Variants in SDK1 observed in about 807,000 individuals in gnomAD.
The protein encoded by SDK1 is protein sidekick-1.
Under a neutral mutation model 245.5 loss-of-function variants are expected in SDK1, and 157 were observed. That is an observed-to-expected ratio of 0.64 (90% CI 0.56 to 0.73). The LOEUF (loss-of-function observed/expected upper bound fraction) is 0.73, where lower values mean the gene tolerates loss of function less well. Among genes scored for constraint, SDK1 ranks in the 30% least tolerant of loss-of-function variants. The pLI is 0.00. For synonymous variants in SDK1, 1,647 were observed against 1,278.5 expected, an observed-to-expected ratio of 1.29 and a Z score of -6.15; for missense variants, 3,583 against 3,002.3, an observed-to-expected ratio of 1.19 and a Z score of -4.52.
chr7:4,061,400 A>G (rs1779529630), intron 19 of SDK1, among the ~76,000 whole-genome samples: 1 of 152,204 alleles, frequency 6.6e-6, no homozygotes, highest in Non-Finnish European at 1.5e-5. Context: ...ATCACTGGCC[A>G]TCAGAGAAAT....
intron 5 of SDK1, among the ~76,000 whole-genome samples, chr7:3,928,630 T>TG (rs142247801): frequency 0.017 from 2,537 of 149,828 alleles, 57 homozygotes; most frequent in African/African-American, 0.058. Flanking sequence ...AGTTTTTTTT[T>TG]GGGGGGGGTG....
intron 1 of SDK1, among the ~76,000 whole-genome samples, chr7:3,507,991 C>G (rs1001670381): frequency 2.0e-5 from 3 of 152,142 alleles, no homozygotes; most frequent in Admixed American, 1.3e-4. Context: ...CTGGAATCCT[C>G]TTTTCCCTTA....
rs528427196 is a variant in SDK1 at position 3,656,738 on chromosome 7, TC to T, written c.713+14634del. Among the ~76,000 whole-genome samples, 5 of 138,918 alleles carry T rather than the reference TC, an allele frequency of 3.6e-5. No homozygotes were observed. In the East Asian group the frequency reaches 6.0e-4, roughly 17 times the overall value. 91.1% of individuals were successfully genotyped at this position (138,918 alleles called of 152,430 possible). On this transcript the variant is annotated intron_variant, in intron 4 of 44. Transcript: ENST00000404826. ...TTATCTCAGGGTGTTTTGGTGGAAA[TC>T]TTTTTTTTTTTTTTTTTTTGAGACG...
chr7:3,888,517 A>G lies in SDK1; in HGVS notation c.848-62406A>G, dbSNP rs567056104. ...TCAGTAAATCAATGGTGATGCGTTA[A>G]TAGACTGCTGCTGTATTTGTTGTTC... On this transcript the variant is annotated intron_variant, in intron 5 of 44. Transcript: ENST00000404826. Among the ~76,000 whole-genome samples, 7 of 152,370 alleles carry G rather than the reference A, an allele frequency of 4.6e-5. No individual in the cohort carries two copies. In the East Asian group the frequency reaches 1.3e-3, roughly 29 times the overall value.
intron 8 of SDK1, among the ~76,000 whole-genome samples, chr7:3,961,144 G>A (rs1041624155): frequency 6.6e-6 from 1 of 152,224 alleles, no homozygotes; most frequent in Non-Finnish European, 1.5e-5. Context: ...TTGCACTGCT[G>A]TCATATAATT....
Position 4,161,827 on chromosome 7 carries a change from A to G in SDK1, c.4771A>G (p.Thr1591Ala). 1.2e-6 allele frequency: 2 copies of G among 1,614,160 alleles called. No homozygotes were observed. The highest frequency in any genetic ancestry group is 1.7e-6 in the Non-Finnish European group (2 of 1,180,002). Residue 1591 changes from threonine to alanine, a missense_variant, in exon 32 of 45, where the codon ACC becomes GCC. Coordinates refer to ENST00000404826, the MANE Select transcript of SDK1 (RefSeq NM_152744.4). Reference sequence around the variant, plus strand: ...GGGATCTGTCTCAGCGACGCCACACACCACGTCCTCTGTCCTGATACAGTG... The same window carrying G: ...GGGATCTGTCTCAGCGACGCCACACGCCACGTCCTCTGTCCTGATACAGTG... ...PPGSVSATPH[T>A]TSSVLIQWQP... is the part of the protein sequence containing the mutation.
At chr7:3,450,922 C>T (rs962665727) in intron 1 of SDK1, among the ~76,000 whole-genome samples, 5 of 151,944 alleles carry the variant, frequency 3.3e-5, no homozygotes, top group South Asian at 2.1e-4. Context: ...AGGAGTTTTG[C>T]GGAAGCCAAA....
At chr7:4,215,622 G>A (rs1784753688) in intron 38 of SDK1, among the ~76,000 whole-genome samples, 1 of 152,216 alleles carries the variant, frequency 6.6e-6, no homozygotes, top group Admixed American at 6.5e-5. Flanking sequence ...TCTAGTGCAG[G>A]CCAGCCCGGC....
chr7:4,008,557 A>G (rs1234071662), intron 14 of SDK1, among the ~76,000 whole-genome samples: 1 of 152,204 alleles, frequency 6.6e-6, no homozygotes, highest in African/African-American at 2.4e-5. Flanking sequence ...TTTTTTAGAT[A>G]AGGTGGGCAC....
intron 20 of SDK1, among the ~76,000 whole-genome samples, chr7:4,074,680 G>A (rs1780509721): frequency 6.6e-6 from 1 of 151,752 alleles, no homozygotes. Flanking sequence ...GGGCAACACA[G>A]TGAGACCCTC....
chr7:3,354,527 C>T (rs1019195277), intron 1 of SDK1, among the ~76,000 whole-genome samples: 1 of 152,168 alleles, frequency 6.6e-6, no homozygotes, highest in African/African-American at 2.4e-5. Flanking sequence ...AGTCTTAACA[C>T]TTCAATTGTA....
chr7:3,316,831 G>T (rs6461993), intron 1 of SDK1, among the ~76,000 whole-genome samples: 1 of 151,720 alleles, frequency 6.6e-6, no homozygotes, highest in Non-Finnish European at 1.5e-5. Flanking sequence ...CCCCTTTTTT[G>T]CTTAAACTAG....
At chr7:3,580,570 C>G (rs1780446233) in intron 1 of SDK1, among the ~76,000 whole-genome samples, 1 of 152,106 alleles carries the variant, frequency 6.6e-6, no homozygotes, top group Admixed American at 6.5e-5. Context: ...ATAAATGGTG[C>G]TGGGATAACT....
At chr7:3,410,113 A>T (rs1254601779) in intron 1 of SDK1, among the ~76,000 whole-genome samples, 1 of 152,192 alleles carries the variant, frequency 6.6e-6, no homozygotes, top group Non-Finnish European at 1.5e-5. Flanking sequence ...GTAATACTTA[A>T]GTGTTATCAT....
chr7:3,587,806 T>G lies in SDK1; in HGVS notation c.299-31274T>G, dbSNP rs188767004. On this transcript the variant is annotated intron_variant, in intron 1 of 44. Coordinates refer to ENST00000404826, the MANE Select transcript of SDK1 (RefSeq NM_152744.4). Reference sequence around the variant, plus strand: ...TTCCTGAGTGTTATCTAGCTTTCCATGGGTAGACATCAGCTCTCCACATCT... The same window carrying G: ...TTCCTGAGTGTTATCTAGCTTTCCAGGGGTAGACATCAGCTCTCCACATCT... 3.3e-5 allele frequency among the ~76,000 whole-genome samples: 5 copies of G among 152,338 alleles called. No individual in the cohort carries two copies. The East Asian group carries it at 9.7e-4, about 29-fold the overall frequency.
At chr7:3,585,029 C>T (rs1780639822) in intron 1 of SDK1, among the ~76,000 whole-genome samples, 1 of 152,156 alleles carries the variant, frequency 6.6e-6, no homozygotes, top group Non-Finnish European at 1.5e-5. Context: ...CAGCCAACTT[C>T]ACGTTTTGAG....
chr7:4,052,163 C>T (rs1036027172), intron 19 of SDK1, among the ~76,000 whole-genome samples: 2 of 112,366 alleles, frequency 1.8e-5, no homozygotes, highest in African/African-American at 1.1e-4. Context: ...CACCTGCTTC[C>T]ATGATCCCCC....
chr7:3,977,447 T>G (rs935653176), intron 13 of SDK1, among the ~76,000 whole-genome samples: 5 of 152,028 alleles, frequency 3.3e-5, no homozygotes, highest in Admixed American at 3.3e-4. Flanking sequence ...CCAGCTTTTG[T>G]GTACGCATGG....
intron 4 of SDK1, among the ~76,000 whole-genome samples, chr7:3,733,703 TAAAG>T (rs1466252751): frequency 3.3e-5 from 5 of 152,148 alleles, no homozygotes; most frequent in Non-Finnish European, 7.3e-5. Flanking sequence ...ATGTATGAAA[TAAAG>T]AGAGAAATGA....
Sources: allele counts gnomAD v4.1 joint callset (sites outside exome capture counted in the v4.1 genomes callset), GRCh38; gene constraint gnomAD v4.1.1; transcripts MANE v1.5; gene names NCBI Gene and HGNC (gene_info 2026-07-23, HGNC 2026-07-21).